Variants in EPHB1 observed in about 807,000 individuals in gnomAD.
EPHB1 encodes the protein ephrin type-B receptor 1.
Under a neutral mutation model 94.4 loss-of-function variants are expected in EPHB1, and 30 were observed. The ratio of observed to expected loss-of-function variants is 0.32; its 90% CI spans 0.24 to 0.43. EPHB1 has a LOEUF of 0.43. Among genes scored for constraint, EPHB1 ranks in the 20% least tolerant of loss-of-function variants. EPHB1 has a pLI of 1.00. For missense variants in EPHB1, 1,055 were observed against 1,308.3 expected (o/e 0.81, Z 2.99); for synonymous variants, 522 against 489.1 (o/e 1.07, Z -0.89).
At chr3:135,183,983 G>A (rs542423824) in intron 10 of EPHB1, among the ~76,000 whole-genome samples, 5 of 152,308 alleles carry the variant, frequency 3.3e-5, no homozygotes, top group Admixed American at 6.5e-5. Flanking sequence ...GGAAACAATC[G>A]CTAAAACCTT....
intron 3 of EPHB1, among the ~76,000 whole-genome samples, chr3:135,040,843 G>T (rs1936810145): frequency 6.6e-6 from 1 of 152,200 alleles, no homozygotes; most frequent in African/African-American, 2.4e-5. Context: ...GGAGGAGGAG[G>T]AGATAGAGGA....
intron 3 of EPHB1, among the ~76,000 whole-genome samples, chr3:135,097,344 T>C (rs1938841927): frequency 6.6e-6 from 1 of 151,986 alleles, no homozygotes; most frequent in South Asian, 2.1e-4. Flanking sequence ...CTGGACTCTC[T>C]TCTGAGAGAA....
chr3:134,947,512 C>T (rs982328474), intron 2 of EPHB1, among the ~76,000 whole-genome samples: 2 of 152,164 alleles, frequency 1.3e-5, no homozygotes, highest in African/African-American at 4.8e-5. Context: ...TCTCAATTTG[C>T]TTCTACTCTT....
intron 3 of EPHB1, among the ~76,000 whole-genome samples, chr3:135,063,739 G>T (rs1937545751): frequency 6.6e-6 from 1 of 152,116 alleles, no homozygotes; most frequent in East Asian, 1.9e-4. Flanking sequence ...GAAGAGGAGT[G>T]GTGAGAGTGG....
chr3:134,958,446 G>GTGTGTGTGTGTGTGTGTT (rs1216880112), intron 3 of EPHB1, among the ~76,000 whole-genome samples: 1 of 148,200 alleles, frequency 6.7e-6, no homozygotes. Context: ...GTGTGTGTGT[G>GTGTGTGTGTGTGTGTGTT]TGTGAGGCCT....
intron 1 of EPHB1, among the ~76,000 whole-genome samples, chr3:134,878,042 A>G (rs1225506414): frequency 2.6e-5 from 4 of 152,168 alleles, no homozygotes; most frequent in Admixed American, 6.5e-5. Context: ...CTCTCTCTGC[A>G]TGGAGATTAC....
intron 11 of EPHB1, among the ~76,000 whole-genome samples, chr3:135,201,237 G>A (rs1033397186): frequency 1.3e-5 from 2 of 151,922 alleles, no homozygotes; most frequent in African/African-American, 4.8e-5. Context: ...GAGATGGAAA[G>A]AAGTGAATGG....
At chr3:134,906,222 G>A (rs185715448) in intron 1 of EPHB1, among the ~76,000 whole-genome samples, 1 of 152,104 alleles carries the variant, frequency 6.6e-6, no homozygotes, top group Non-Finnish European at 1.5e-5. Flanking sequence ...TTTGAATTTT[G>A]TTGAAACCAT....
chr3:134,876,008 A>G (rs1055362910), intron 1 of EPHB1, among the ~76,000 whole-genome samples: 1 of 152,170 alleles, frequency 6.6e-6, no homozygotes, highest in African/African-American at 2.4e-5. Context: ...TCGCATGGGA[A>G]ATATGCACTG....
chr3:134,880,035 G>A (rs1177404943), intron 1 of EPHB1, among the ~76,000 whole-genome samples: 1 of 152,214 alleles, frequency 6.6e-6, no homozygotes, highest in Non-Finnish European at 1.5e-5. Context: ...GAGTTCAGTG[G>A]CCTTCCCTGA....
chr3:135,018,297 G>A (rs1487970902), intron 3 of EPHB1, among the ~76,000 whole-genome samples: 1 of 152,136 alleles, frequency 6.6e-6, no homozygotes, highest in African/African-American at 2.4e-5. Context: ...TGGCTACTAT[G>A]ATGGGGGTGC....
At position 135,259,779 on chromosome 3, in the gene EPHB1, C is replaced by A; in HGVS notation, c.*659C>A. ...CTCGTTTTTCTTTTGTTTGCATTTTCTGCAAAAAGGAAAAAGAAACCACAA... is the reference window on the plus strand; with the variant it reads ...CTCGTTTTTCTTTTGTTTGCATTTTATGCAAAAAGGAAAAAGAAACCACAA... On this transcript the variant is annotated 3_prime_UTR_variant, in exon 16 of 16. Transcript: ENST00000398015. 4.7e-6 allele frequency: 1 copy of A among 215,006 alleles called. No individual in the cohort carries two copies. The highest frequency in any genetic ancestry group is 9.4e-6 in the Non-Finnish European group (1 of 106,516). 13.3% of individuals were successfully genotyped at this position (215,006 alleles called of 1,614,324 possible).
At chr3:134,899,796 TC>T (rs749191999) in intron 1 of EPHB1, among the ~76,000 whole-genome samples, 5 of 152,290 alleles carry the variant, frequency 3.3e-5, no homozygotes, top group Middle Eastern at 3.4e-3. Context: ...TGCTTCAGCC[TC>T]CCAAATATCT....
intron 3 of EPHB1, among the ~76,000 whole-genome samples, chr3:135,052,524 G>C (rs190537983): frequency 6.6e-6 from 1 of 152,040 alleles, no homozygotes; most frequent in African/African-American, 2.4e-5. Context: ...GCCAAGTCAT[G>C]GTGTCTCCAA....
chr3:134,947,022 T>G (rs2039228924), intron 2 of EPHB1, among the ~76,000 whole-genome samples: 1 of 152,250 alleles, frequency 6.6e-6, no homozygotes, highest in African/African-American at 2.4e-5. Context: ...CCCTGTAATT[T>G]TCCCTCACAG....
At chr3:134,882,666 T>C (rs1479046076) in intron 1 of EPHB1, among the ~76,000 whole-genome samples, 2 of 151,850 alleles carry the variant, frequency 1.3e-5, no homozygotes, top group African/African-American at 4.8e-5. Flanking sequence ...CTCTCCTTCC[T>C]TCCTTCCTTC....
chr3:134,892,059 T>A lies in EPHB1; in HGVS notation c.59-33757T>A, dbSNP rs7612498. Among the ~76,000 whole-genome samples, 1,476 of 152,356 alleles carry A rather than the reference T, an allele frequency of 9.7e-3. 23 individuals are homozygous for A. Among genetic ancestry groups the A allele is most frequent in the African/African-American group, 0.034 (1,420 of 41,578 alleles). On this transcript the variant is annotated intron_variant, in intron 1 of 15. Coordinates refer to ENST00000398015, the MANE Select transcript of EPHB1 (RefSeq NM_004441.5). ...CAGCAGATCCTCTCCAAACTTTTGC[T>A]ACTCCCATAGAAGTACTTTGCAGTT...
At chr3:134,922,940 C>A (rs888385156) in intron 1 of EPHB1, among the ~76,000 whole-genome samples, 1 of 152,174 alleles carries the variant, frequency 6.6e-6, no homozygotes, top group African/African-American at 2.4e-5. Flanking sequence ...GCCCACCTGG[C>A]GGAGACATTT....
At chr3:134,913,963 C>G (rs658459) in intron 1 of EPHB1, among the ~76,000 whole-genome samples, 54,254 of 151,902 alleles carry the variant, frequency 0.36, 10,856 homozygotes, top group South Asian at 0.56. Flanking sequence ...AGAGAGAAGT[C>G]CATCCCAGAT....
Sources: gnomAD v4.1 joint callset for allele counts (sites outside exome capture counted in the v4.1 genomes callset) on GRCh38, gnomAD v4.1.1 for gene constraint, MANE v1.5 for transcripts, NCBI Gene and HGNC (gene_info 2026-07-23, HGNC 2026-07-21) for gene names.